Variants in KCNMA1 observed in about 807,000 individuals in gnomAD.
KCNMA1 encodes the protein potassium calcium-activated channel subfamily M alpha 1.
A neutral mutation model predicts 140.0 loss-of-function variants in KCNMA1; 29 were observed. The observed-to-expected ratio is 0.21, with a 90% CI of 0.15 to 0.28. The LOEUF (loss-of-function observed/expected upper bound fraction) is 0.28, where lower values mean the gene tolerates loss of function less well. Among genes scored for constraint, KCNMA1 ranks in the 10% least tolerant of loss-of-function variants. The probability of loss-of-function intolerance (pLI) is 1.00; values close to 1 mark genes in which losing one functional copy is unlikely to be tolerated. For synonymous variants in KCNMA1, 612 were observed against 611.9 expected (o/e 1.00, Z 0.00); for missense variants, 880 against 1,602.2 (o/e 0.55, Z 7.70).
chr10:77,359,776 G>T (rs183183845), intron 2 of KCNMA1, among the ~76,000 whole-genome samples: 1 of 152,322 alleles, frequency 6.6e-6, no homozygotes, highest in East Asian at 1.9e-4. Flanking sequence ...AGTGGATCAA[G>T]CTTCACCCTG....
At chr10:77,491,194 A>G (rs2039700172) in intron 1 of KCNMA1, among the ~76,000 whole-genome samples, 1 of 151,996 alleles carries the variant, frequency 6.6e-6, no homozygotes, top group South Asian at 2.1e-4. Context: ...AAGATCCCAC[A>G]TTTCCTTTTG....
intron 1 of KCNMA1, among the ~76,000 whole-genome samples, chr10:77,556,661 T>C (rs2064591129): frequency 6.6e-6 from 1 of 152,032 alleles, no homozygotes; most frequent in African/African-American, 2.4e-5. Context: ...ACTCTGGAAA[T>C]ATGGCCCAGA....
At chr10:76,879,095 G>A (rs1230912693) in intron 29 of KCNMA1, among the ~76,000 whole-genome samples, 1 of 152,050 alleles carries the variant, frequency 6.6e-6, no homozygotes, top group African/African-American at 2.4e-5. Context: ...TTTGATAGGG[G>A]GCGTTGGGGG....
chr10:77,010,280 G>A (rs1457064213), intron 18 of KCNMA1, among the ~76,000 whole-genome samples: 1 of 152,136 alleles, frequency 6.6e-6, no homozygotes, highest in African/African-American at 2.4e-5. Flanking sequence ...TTCAGGAGAT[G>A]TCTGGTCAAC....
chr10:76,920,089 G>GAC (rs1304441665), intron 23 of KCNMA1, among the ~76,000 whole-genome samples: 2 of 133,736 alleles, frequency 1.5e-5, no homozygotes, highest in Non-Finnish European at 3.1e-5. Flanking sequence ...AGGAAAGAAG[G>GAC]ACTATGGCTC....
chr10:77,090,543 G>T (rs199668984), intron 9 of KCNMA1, 33 bp from the exon 10 acceptor site: 11 of 1,436,622 alleles, frequency 7.7e-6, no homozygotes, highest in Non-Finnish European at 1.1e-5. Flanking sequence ...ATCAGGCCAG[G>T]CACCACGACA....
intron 1 of KCNMA1, among the ~76,000 whole-genome samples, chr10:77,621,798 G>A (rs7076474): frequency 0.29 from 44,629 of 151,944 alleles, 6,714 homozygotes; most frequent in Middle Eastern, 0.41. Flanking sequence ...GCATGATGGT[G>A]CATGCCTGTA....
chr10:77,191,849 C>A (rs1191209192), intron 3 of KCNMA1, among the ~76,000 whole-genome samples: 1 of 152,126 alleles, frequency 6.6e-6, no homozygotes, highest in African/African-American at 2.4e-5. Flanking sequence ...ACTGGCTTTA[C>A]TGGGAAGTCA....
chr10:77,326,890 G>C (rs537719759), intron 2 of KCNMA1, among the ~76,000 whole-genome samples: 2 of 151,942 alleles, frequency 1.3e-5, no homozygotes, highest in African/African-American at 2.4e-5. Context: ...TGATAATTAC[G>C]TGGTTATTAG....
chr10:77,388,449 C>T (rs918291030), intron 2 of KCNMA1, among the ~76,000 whole-genome samples: 27 of 152,170 alleles, frequency 1.8e-4, no homozygotes, highest in Admixed American at 5.9e-4. Flanking sequence ...AGTTCAAAGA[C>T]GTTTAATCAT....
chr10:77,631,308 T>C (rs2093179801), intron 1 of KCNMA1, among the ~76,000 whole-genome samples: 1 of 152,052 alleles, frequency 6.6e-6, no homozygotes, highest in African/African-American at 2.4e-5. Context: ...CAAGAAGCAG[T>C]TCTAAAAGAG....
intron 2 of KCNMA1, among the ~76,000 whole-genome samples, chr10:77,338,247 C>T (rs1014828735): frequency 6.6e-6 from 1 of 152,188 alleles, no homozygotes; most frequent in Non-Finnish European, 1.5e-5. Context: ...GTTTCAGAAG[C>T]CTCTGAGTGA....
chr10:77,561,542 GA>G, intron 1 of KCNMA1, among the ~76,000 whole-genome samples: 2 of 152,198 alleles, frequency 1.3e-5, no homozygotes, highest in Non-Finnish European at 2.9e-5. Context: ...CACTGGTTAT[GA>G]TTCCTTCCAC....
At chr10:77,225,195 A>G (rs1298527949) in intron 3 of KCNMA1, among the ~76,000 whole-genome samples, 1 of 152,206 alleles carries the variant, frequency 6.6e-6, no homozygotes, top group Non-Finnish European at 1.5e-5. Context: ...CACTGGCCAG[A>G]GAGAAACTGA....
At chr10:77,430,577 A>C (rs2097131796) in intron 1 of KCNMA1, among the ~76,000 whole-genome samples, 2 of 152,126 alleles carry the variant, frequency 1.3e-5, no homozygotes, top group Admixed American at 1.3e-4. Flanking sequence ...CAGAATACTC[A>C]CCTAGGAACA....
rs147942929 is a variant in KCNMA1 at position 76,976,921 on chromosome 10, C to T, written c.2267-6854G>A. On this transcript the variant is annotated intron_variant, in intron 19 of 27. Coordinates refer to ENST00000286628, the MANE Select transcript of KCNMA1 (RefSeq NM_001161352.2). Reference sequence around the variant, plus strand: ...AAATGCACAATTGAAAAGAAAAATTCGAGAACTTCCCTGAATTTTTGCTAT... The same window carrying T: ...AAATGCACAATTGAAAAGAAAAATTTGAGAACTTCCCTGAATTTTTGCTAT... Among the ~76,000 whole-genome samples, 362 of 152,184 alleles carry T rather than the reference C, an allele frequency of 2.4e-3. 3 individuals carry two copies. The highest frequency in any genetic ancestry group is 8.5e-3 in the African/African-American group (351 of 41,526).
chr10:77,459,760 C>A (rs925893711), intron 1 of KCNMA1, among the ~76,000 whole-genome samples: 2 of 152,234 alleles, frequency 1.3e-5, no homozygotes, highest in Non-Finnish European at 2.9e-5. Flanking sequence ...GTGGCCAGAA[C>A]ACAGACTCTC....
intron 5 of KCNMA1, among the ~76,000 whole-genome samples, chr10:77,166,975 TG>T (rs1206895305): frequency 1.3e-5 from 2 of 152,226 alleles, no homozygotes; most frequent in Admixed American, 6.5e-5. Context: ...ATTATTCTTT[TG>T]TAGCTATTTT....
intron 5 of KCNMA1, among the ~76,000 whole-genome samples, chr10:77,158,452 G>C (rs931540266): frequency 9.2e-5 from 14 of 152,120 alleles, no homozygotes; most frequent in African/African-American, 3.4e-4. Flanking sequence ...CTCTGGACCT[G>C]ATCACTCGGC....
Sources: gnomAD v4.1 joint callset for allele counts (sites outside exome capture counted in the v4.1 genomes callset) on GRCh38, gnomAD v4.1.1 for gene constraint, MANE v1.5 for transcripts, NCBI Gene and HGNC (gene_info 2026-07-23, HGNC 2026-07-21) for gene names.